Variants in CACNA1A observed in about 807,000 individuals in gnomAD.
CACNA1A encodes voltage-dependent P/Q-type calcium channel subunit alpha-1A.
A neutral mutation model predicts 262.4 loss-of-function variants in CACNA1A; 57 were observed. That is an observed-to-expected ratio of 0.22 (90% CI 0.18 to 0.27). The LOEUF is 0.27. Ranked by LOEUF, CACNA1A falls within the 10% of genes least tolerant of loss-of-function variation. The pLI, the probability that CACNA1A is intolerant of heterozygous loss-of-function variation, is 1.00. For missense variants in CACNA1A, 2,526 were observed against 3,562.8 expected (o/e 0.71, Z 7.41); for synonymous variants, 1,431 against 1,419.3 (o/e 1.01, Z -0.18).
intron 38 of CACNA1A, chr19:13,215,365 G>A (rs1844005014): frequency 2.3e-5 from 3 of 129,340 alleles, no homozygotes. Flanking sequence ...TGTTGCCCAG[G>A]CTGGAGTGCA....
intron 3 of CACNA1A, among the ~76,000 whole-genome samples, chr19:13,395,851 G>C (rs1234956713): frequency 6.6e-5 from 10 of 152,056 alleles, no homozygotes; most frequent in South Asian, 4.1e-4. Flanking sequence ...TTCCAGAGAG[G>C]GTCTTGTCCC....
At chr19:13,455,869 CAAAAAAAAAAA>C (rs766436872) in intron 1 of CACNA1A, among the ~76,000 whole-genome samples, 1 of 76,134 alleles carries the variant, frequency 1.3e-5, no homozygotes, top group Admixed American at 1.5e-4. Context: ...GGCCCTGTCT[CAAAAAAAAAAA>C]AAAAAAAAGA....
rs1483637476 is a variant in CACNA1A at position 13,506,388 on chromosome 19, G to A, written c.-164C>T. 28 of 515,720 alleles carry A rather than the reference G, an allele frequency of 5.4e-5. No homozygotes were observed. The highest frequency in any genetic ancestry group is 8.1e-5 in the Non-Finnish European group (27 of 333,556). The allele number at this position is 515,720 out of a possible 1,614,324, so 31.9% of individuals were successfully genotyped here. A position where few individuals can be genotyped will look rare whatever the true frequency, so the allele number is the denominator to read the frequency against. ...ACGGCCCAGCCCATCGGGCGGCGGC[G>A]GCTCGGCGCCTCGGGTCGGGGGCTC... On this transcript the variant is annotated 5_prime_UTR_variant, in exon 1 of 47. Coordinates refer to ENST00000360228, the MANE Select transcript of CACNA1A (RefSeq NM_001127222.2).
At chr19:13,389,175 T>A (rs1400514891) in intron 3 of CACNA1A, among the ~76,000 whole-genome samples, 1 of 152,206 alleles carries the variant, frequency 6.6e-6, no homozygotes, top group Non-Finnish European at 1.5e-5. Context: ...AGTGCTGGGA[T>A]GACACGCATG....
chr19:13,393,092 A>G (rs559993180), intron 3 of CACNA1A, among the ~76,000 whole-genome samples: 65 of 152,124 alleles, frequency 4.3e-4, no homozygotes, highest in Non-Finnish European at 6.8e-4. Flanking sequence ...TTCCTACCAA[A>G]GCTAAACCAA....
chr19:13,268,718 G>A (rs986773771), intron 24 of CACNA1A, among the ~76,000 whole-genome samples: 2 of 152,076 alleles, frequency 1.3e-5, no homozygotes, highest in African/African-American at 4.8e-5. Context: ...ACAGGTGTGA[G>A]CCACCGCGCC....
chr19:13,280,940 C>CAAAA (rs59445149), intron 22 of CACNA1A, among the ~76,000 whole-genome samples: 6 of 82,326 alleles, frequency 7.3e-5, no homozygotes, highest in Middle Eastern at 8.6e-3. Flanking sequence ...GACTCCATCT[C>CAAAA]AAAAAAAAAA....
rs150466412 is a variant in CACNA1A at position 13,400,017 on chromosome 19, C to G, written c.540-28238G>C. On this transcript the variant is annotated intron_variant, in intron 3 of 46. Coordinates refer to ENST00000360228, the MANE Select transcript of CACNA1A (RefSeq NM_001127222.2). ...TGTAAAATGGGGAGAGTAAAAATAC[C>G]TACGCAGTGTTGCAAAGATGAAAAA... Among the ~76,000 whole-genome samples, 7 of 152,260 alleles carry G rather than the reference C, an allele frequency of 4.6e-5. No individual in the cohort carries two copies. The East Asian group carries it at 1.2e-3, about 25-fold the overall frequency.
At chr19:13,248,746 G>A (rs2056319721) in intron 30 of CACNA1A, among the ~76,000 whole-genome samples, 1 of 151,898 alleles carries the variant, frequency 6.6e-6, no homozygotes, top group Admixed American at 6.6e-5. Context: ...GGGAGGCTGA[G>A]GCAGGACAAT....
At chr19:13,294,426 G>A (rs966833370) in intron 19 of CACNA1A, among the ~76,000 whole-genome samples, 10 of 148,814 alleles carry the variant, frequency 6.7e-5, no homozygotes, top group Admixed American at 2.7e-4. Flanking sequence ...CTGGGCTCAA[G>A]CAATCCTTTG....
At chr19:13,484,141 C>T (rs1337678170) in intron 1 of CACNA1A, among the ~76,000 whole-genome samples, 1 of 152,082 alleles carries the variant, frequency 6.6e-6, no homozygotes, top group African/African-American at 2.4e-5. Flanking sequence ...TAACTTCCCC[C>T]GTTCTATAAA....
At chr19:13,433,828 G>T (rs2060563403) in intron 3 of CACNA1A, among the ~76,000 whole-genome samples, 1 of 152,150 alleles carries the variant, frequency 6.6e-6, no homozygotes, top group Non-Finnish European at 1.5e-5. Flanking sequence ...ATCATCCAGT[G>T]GCCATCCCCT....
intron 19 of CACNA1A, among the ~76,000 whole-genome samples, chr19:13,287,372 G>A (rs1320861495): frequency 6.6e-6 from 1 of 151,880 alleles, no homozygotes; most frequent in African/African-American, 2.4e-5. Context: ...AAAAGAAAAG[G>A]AAAGGGTACA....
chr19:13,311,844 A>G (rs2058041385), intron 12 of CACNA1A, among the ~76,000 whole-genome samples: 1 of 152,154 alleles, frequency 6.6e-6, no homozygotes, highest in Non-Finnish European at 1.5e-5. Flanking sequence ...CTCAAAAACA[A>G]AAAATAAAAA....
At position 13,351,878 on chromosome 19, in the gene CACNA1A, C is replaced by T. The variant is rs138341376; in HGVS notation, c.978+7728G>A. ...CAGGCTGGTCTTGAACTCCTTGTCT[C>T]AAACAATCCTCCCACCTCAGCTTCC... On this transcript the variant is annotated intron_variant, in intron 6 of 46. Coordinates refer to ENST00000360228, the MANE Select transcript of CACNA1A (RefSeq NM_001127222.2). Among the ~76,000 whole-genome samples, 689 of 152,288 alleles carry T rather than the reference C, an allele frequency of 4.5e-3. 9 individuals are homozygous for T. Among genetic ancestry groups the T allele is most frequent in the African/African-American group, 0.016 (660 of 41,558 alleles).
At chr19:13,368,639 G>T (rs926739689) in intron 4 of CACNA1A, among the ~76,000 whole-genome samples, 8 of 152,192 alleles carry the variant, frequency 5.3e-5, no homozygotes, top group African/African-American at 1.9e-4. Context: ...TTTGCTTCTT[G>T]ATTGCAGGAA....
intron 30 of CACNA1A, among the ~76,000 whole-genome samples, chr19:13,250,492 G>A (rs996182464): frequency 1.3e-5 from 2 of 152,094 alleles, no homozygotes; most frequent in African/African-American, 2.4e-5. Flanking sequence ...CGCCTCCCAC[G>A]TTCAAATGAT....
intron 3 of CACNA1A, among the ~76,000 whole-genome samples, chr19:13,402,843 T>C (rs1031810117): frequency 7.2e-5 from 9 of 124,580 alleles, no homozygotes; most frequent in African/African-American, 1.8e-4. Context: ...TACATATATA[T>C]ACACATATAT....
chr19:13,286,247 G>A (rs1600244777), intron 20 of CACNA1A, among the ~76,000 whole-genome samples: 1 of 152,124 alleles, frequency 6.6e-6, no homozygotes, highest in Non-Finnish European at 1.5e-5. Flanking sequence ...TGGCTTCCTG[G>A]CTCCCCTTGG....
Sources: gnomAD v4.1 joint callset for allele counts (sites outside exome capture counted in the v4.1 genomes callset) on GRCh38, gnomAD v4.1.1 for gene constraint, MANE v1.5 for transcripts, NCBI Gene and HGNC (gene_info 2026-07-23, HGNC 2026-07-21) for gene names.